CENPF: variants seen among roughly 807,000 people sequenced by gnomAD.
The protein encoded by CENPF is AH antigen.
CENPF carries 214 observed loss-of-function variants against 307.3 expected under a neutral mutation model. The observed-to-expected ratio is 0.70, with a 90% CI of 0.62 to 0.78. The LOEUF (loss-of-function observed/expected upper bound fraction) is 0.78, where lower values mean the gene tolerates loss of function less well. Among genes scored for constraint, CENPF ranks in the 30% least tolerant of loss-of-function variants. CENPF has a pLI of 0.00. For missense variants in CENPF, 3,401 were observed against 3,483.9 expected, an observed-to-expected ratio of 0.98 and a Z score of 0.60; for synonymous variants, 1,259 against 1,270.6, an observed-to-expected ratio of 0.99 and a Z score of 0.19.
intron 19 of CENPF, among the ~76,000 whole-genome samples, chr1:214,661,605 T>C (rs1018510354): frequency 6.6e-6 from 1 of 152,152 alleles, no homozygotes; most frequent in Non-Finnish European, 1.5e-5. Flanking sequence ...ATTATGTCAC[T>C]GGGATGGATT....
chr1:214,623,219 G>T (rs1156473073), intron 7 of CENPF, among the ~76,000 whole-genome samples: 1 of 152,118 alleles, frequency 6.6e-6, no homozygotes, highest in African/African-American at 2.4e-5. Flanking sequence ...TCAAAGAATG[G>T]CTTTGTCTGT....
In CENPF at chr1:214,663,696, A is replaced by G. The variant is rs774291307; in HGVS notation, c.9247A>G (p.Ser3083Gly). Residue 3083 changes from serine to glycine, a missense_variant, in exon 20 of 20, where the codon AGC becomes GGC. Coordinates refer to ENST00000366955, the MANE Select transcript of CENPF (RefSeq NM_016343.4). ...NNLPERSPTD[S>G]PREGLRVKRG... ...TCTTCCTGAGAGAAGTCCGACTGAC[A>G]GCCCCAGAGAGGGCCTGAGGGTCAA... 3 of 1,613,968 alleles carry G rather than the reference A, an allele frequency of 1.9e-6. No homozygotes were observed. The African/African-American group carries it at 4.0e-5, about 22-fold the overall frequency.
intron 3 of CENPF, among the ~76,000 whole-genome samples, chr1:214,618,314 G>A (rs1490599989): frequency 6.6e-6 from 1 of 152,118 alleles, no homozygotes; most frequent in Non-Finnish European, 1.5e-5. Context: ...CTTCCTTATA[G>A]CCTTTATAAC....
At position 214,642,789 on chromosome 1, in the gene CENPF, G is replaced by C; in HGVS notation, c.4451G>C (p.Ser1484Thr). The change falls in exon 12 of 20, where the codon AGC becomes ACC. Residue 1484 changes from serine (S) to threonine (T), a missense_variant. By Grantham distance (58) the Ser-to-Thr change is moderately conservative (BLOSUM62 1). Transcript: ENST00000366955. ...PSLSSSCVPDSSSLSSLGDSS... is the reference protein window; with the variant it reads ...PSLSSSCVPDTSSLSSLGDSS... ...CTGTCATCCTCTTGTGTGCCTGACAGCTCTAGTCTTAGCAGTTTGGGAGAC... is the reference window on the plus strand; with the variant it reads ...CTGTCATCCTCTTGTGTGCCTGACACCTCTAGTCTTAGCAGTTTGGGAGAC... 4.3e-6 allele frequency: 7 copies of C among 1,614,002 alleles called. No homozygotes were observed. Among genetic ancestry groups the C allele is most frequent in the Non-Finnish European group, 5.9e-6 (7 of 1,179,972 alleles).
chr1:214,611,453 C>T (rs1657198894), intron 1 of CENPF, among the ~76,000 whole-genome samples: 1 of 152,056 alleles, frequency 6.6e-6, no homozygotes, highest in Admixed American at 6.5e-5. Flanking sequence ...GCAACCTCTG[C>T]CTCCCAAGTT....
At chr1:214,621,554 T>G (rs1558173369) in intron 6 of CENPF, among the ~76,000 whole-genome samples, 1 of 152,186 alleles carries the variant, frequency 6.6e-6, no homozygotes, top group Non-Finnish European at 1.5e-5. Flanking sequence ...GAACCAATGT[T>G]GTGCGTATGT....
chr1:214,612,778 G>A (rs1167818865), intron 1 of CENPF, among the ~76,000 whole-genome samples: 3 of 152,126 alleles, frequency 2.0e-5, no homozygotes, highest in Non-Finnish European at 4.4e-5. Context: ...TATTTCAAAT[G>A]GACAAAAAAT....
intron 10 of CENPF, among the ~76,000 whole-genome samples, chr1:214,634,377 GGTGGT>G (rs1214996469): frequency 6.6e-6 from 1 of 152,186 alleles, no homozygotes; most frequent in Non-Finnish European, 1.5e-5. Flanking sequence ...CAGTTAGAGT[GGTGGT>G]GTAACTTAGT....
intron 13 of CENPF, chr1:214,647,963 T>C (rs750434438): frequency 2.0e-6 from 1 of 503,910 alleles, no homozygotes; most frequent in South Asian, 1.5e-5. Flanking sequence ...TTCTATTGTA[T>C]TAGTTGATGA....
chr1:214,645,771 G>A lies in CENPF; in HGVS notation c.6201G>A (p.Leu2067=). ...CACAACTGAATAAAGAGAAAGAATT[G>A]CTTGTCAAGGAATCTGAAAGCCTGC... ...QIAQLNKEKE[L]LVKESESLQA... Residue 2067 remains leucine, a synonymous_variant, in exon 13 of 20, where the codon TTG becomes TTA. Transcript: ENST00000366955. 6.2e-7 allele frequency: 1 copy of A among 1,614,182 alleles called. No individual in the cohort carries two copies. The highest frequency in any genetic ancestry group is 8.5e-7 in the Non-Finnish European group (1 of 1,180,024).
chr1:214,652,766 T>C, intron 15 of CENPF, 62 bp from the exon 16 acceptor site: 1 of 1,428,096 alleles, frequency 7.0e-7, no homozygotes, highest in East Asian at 2.3e-5. Flanking sequence ...CTGACTATTT[T>C]TTTTTAGCTG....
Position 214,612,499 on chromosome 1 carries a change from G to A in CENPF, c.-41-1215G>A, listed in dbSNP as rs1657226169. Among the ~76,000 whole-genome samples, 4 of 152,234 alleles carry A rather than the reference G, an allele frequency of 2.6e-5. No homozygotes were observed. In the South Asian group the frequency reaches 8.3e-4, roughly 32 times the overall value. On this transcript the variant is annotated intron_variant, in intron 1 of 19. Coordinates refer to ENST00000366955, the MANE Select transcript of CENPF (RefSeq NM_016343.4). ...TGGCCTCATAGAATGAGTTGAGGAG[G>A]CGTCCCTCCTCCTTAATTTTTTTGG...
intron 1 of CENPF, among the ~76,000 whole-genome samples, chr1:214,610,208 C>G (rs190465721): frequency 6.6e-6 from 1 of 152,044 alleles, no homozygotes; most frequent in Non-Finnish European, 1.5e-5. Context: ...GGTATATACC[C>G]AGGAATGAGA....
chr1:214,605,659 C>T (rs1293501884), intron 1 of CENPF: 9 of 1,562,482 alleles, frequency 5.8e-6, no homozygotes, highest in Non-Finnish European at 2.6e-6. Flanking sequence ...TGAGGTCTGG[C>T]CGGTTGGTGC....
chr1:214,622,562 C>G (rs1657537060), intron 7 of CENPF, among the ~76,000 whole-genome samples: 2 of 152,162 alleles, frequency 1.3e-5, no homozygotes, highest in Non-Finnish European at 2.9e-5. Flanking sequence ...TATATAGCAT[C>G]TAGCATGATG....
intron 3 of CENPF, among the ~76,000 whole-genome samples, chr1:214,616,849 CTTTCTTTCTTTCTTTCT>C (rs1558170841): frequency 1.1e-3 from 7 of 6,590 alleles, no homozygotes; most frequent in African/African-American, 2.5e-3. Flanking sequence ...TTCTTTCTTT[CTTTCTTTCTTTCTTTCT>C]TTCTTTCTTT....
Position 214,646,783 on chromosome 1 carries a change from C to G in CENPF, c.7213C>G (p.Gln2405Glu). The change falls in exon 13 of 20, where the codon CAA becomes GAA. Residue 2405 changes from glutamine to glutamate, a missense_variant. Gln to Glu is a conservative substitution (Grantham distance 29). Transcript: ENST00000366955. ...ENLTNELQKEQERISELEIIN... is the reference protein window; with the variant it reads ...ENLTNELQKEEERISELEIIN... The stretch of plus-strand genomic sequence containing the variant: ...TCTGACAAATGAATTACAAAAAGAG[C>G]AAGAGCGAATATCTGAATTAGAAAT... 6.2e-7 allele frequency: 1 copy of G among 1,611,670 alleles called. No homozygotes were observed. Among genetic ancestry groups the G allele is most frequent in the Non-Finnish European group, 8.5e-7 (1 of 1,178,918 alleles).
intron 9 of CENPF, among the ~76,000 whole-genome samples, chr1:214,631,107 G>GTGTGCT (rs1250009587): frequency 5.9e-5 from 9 of 152,198 alleles, no homozygotes; most frequent in Non-Finnish European, 1.3e-4. Flanking sequence ...GTGTGTGGAT[G>GTGTGCT]TGTGCTTGAC....
Position 214,640,233 on chromosome 1 carries a change from A to T in CENPF, c.1895A>T (p.Gln632Leu). 6.2e-7 allele frequency: 1 copy of T among 1,611,114 alleles called. No individual in the cohort carries two copies. The highest frequency in any genetic ancestry group is 8.5e-7 in the Non-Finnish European group (1 of 1,179,380). The change falls in exon 12 of 20, where the codon CAG (glutamine) becomes CTG (leucine). Residue 632 changes from glutamine (Q) to leucine (L), a missense_variant. Gln to Leu is a moderately radical substitution (Grantham distance 113). Coordinates refer to ENST00000366955, the MANE Select transcript of CENPF (RefSeq NM_016343.4). ...WKSENEKLLT[Q>L]MESEKENLQS... Reference sequence around the variant, plus strand: ...AGTGAAAACGAAAAACTTTTAACTCAGATGGAATCAGAAAAGGAAAACTTG... The same window carrying T: ...AGTGAAAACGAAAAACTTTTAACTCTGATGGAATCAGAAAAGGAAAACTTG...
Sources: allele counts gnomAD v4.1 joint callset (sites outside exome capture counted in the v4.1 genomes callset), GRCh38; gene constraint gnomAD v4.1.1; transcripts MANE v1.5; gene names NCBI Gene and HGNC (gene_info 2026-07-23, HGNC 2026-07-21).